The following ELAVL2 variants were observed in gnomAD, a reference collection of about 807,000 sequenced individuals.
ELAVL2 encodes the protein ELAV-like protein 2.
In ELAVL2, 4 loss-of-function variants were observed where a neutral mutation model predicts 34.6. The ratio of observed to expected loss-of-function variants is 0.12; its 90% CI spans 0.06 to 0.26. ELAVL2 has a LOEUF of 0.26. Among genes scored for constraint, ELAVL2 ranks in the 10% least tolerant of loss-of-function variants. ELAVL2 has a pLI of 1.00. For missense variants in ELAVL2, 432 were observed against 442.8 expected, an observed-to-expected ratio of 0.98 and a Z score of 0.22; for synonymous variants, 193 against 154.8, an observed-to-expected ratio of 1.25 and a Z score of -1.83.
At chr9:23,829,368 G>C (rs1392468102), upstream of ELAVL2, among the ~76,000 whole-genome samples, 1 of 152,208 alleles carries the variant, frequency 6.6e-6, no homozygotes, top group Non-Finnish European at 1.5e-5. Flanking sequence ...CCTTACACTA[G>C]AGGTCCTGGG....
At chr9:23,838,879 T>C in the ELAVL2 span, among the ~76,000 whole-genome samples, 2 of 152,158 alleles carry the variant, frequency 1.3e-5, no homozygotes, top group South Asian at 4.1e-4. Flanking sequence ...ACAGGTACCA[T>C]TAGTGAATTG....
intron 2 of ELAVL2, among the ~76,000 whole-genome samples, chr9:23,737,029 T>A (rs1299914360): frequency 6.6e-6 from 1 of 152,182 alleles, no homozygotes; most frequent in Non-Finnish European, 1.5e-5. Context: ...CAGTGCACAC[T>A]GTACAGTGCT....
chr9:23,746,223 G>A (rs887476063), intron 2 of ELAVL2, among the ~76,000 whole-genome samples: 2 of 152,042 alleles, frequency 1.3e-5, no homozygotes, highest in African/African-American at 4.8e-5. Context: ...AATAGCTATG[G>A]CAAGTTCACA....
At chr9:23,813,494 G>A (rs924281193) in intron 1 of ELAVL2, among the ~76,000 whole-genome samples, 3 of 151,556 alleles carry the variant, frequency 2.0e-5, no homozygotes, top group Non-Finnish European at 2.9e-5. Flanking sequence ...GTTAGCAGGT[G>A]GGCCACAGGC....
chr9:23,815,477 C>A (rs1236165295), intron 1 of ELAVL2, among the ~76,000 whole-genome samples: 1 of 152,006 alleles, frequency 6.6e-6, no homozygotes, highest in Non-Finnish European at 1.5e-5. Flanking sequence ...TATAAAAAAA[C>A]AAAATCACTA....
intron 1 of ELAVL2, among the ~76,000 whole-genome samples, chr9:23,763,957 C>T (rs779021013): frequency 4.6e-5 from 7 of 152,098 alleles, no homozygotes; most frequent in Middle Eastern, 3.2e-3. Context: ...CTTTGGAAAT[C>T]TGTATTTAAA....
rs1393987797 is a variant in ELAVL2, at chr9:23,757,993, A to G, written c.229+4013T>C. Among the ~76,000 whole-genome samples, 3 of 152,248 alleles carry G rather than the reference A, an allele frequency of 2.0e-5. No homozygotes were observed. In the East Asian group the frequency reaches 5.8e-4, roughly 29 times the overall value. On this transcript the variant is annotated intron_variant, in intron 2 of 6. Transcript: ENST00000397312. ...TTCAGCATTAAGAAAGATTTAAGAA[A>G]AGGGAAAAGGAAAGATTTCAAATCT... is the stretch of plus-strand genomic sequence containing the variant.
chr9:23,745,424 T>C (rs2050254965), intron 2 of ELAVL2, among the ~76,000 whole-genome samples: 1 of 152,142 alleles, frequency 6.6e-6, no homozygotes. Flanking sequence ...TGAACAGATA[T>C]CCCATTCAAA....
At position 23,796,860 on chromosome 9, in the gene ELAVL2, TAGAGA is replaced by T. The variant is rs528919110; in HGVS notation, c.-16+28941_-16+28945del. Among the ~76,000 whole-genome samples, 205 of 152,356 alleles carry T rather than the reference TAGAGA, an allele frequency of 1.3e-3. 1 individual carries two copies. The highest frequency in any genetic ancestry group is 4.8e-3 in the African/African-American group (198 of 41,590). On this transcript the variant is annotated intron_variant, in intron 1 of 6. Coordinates refer to ENST00000397312, the MANE Select transcript of ELAVL2 (RefSeq NM_004432.5). The stretch of plus-strand genomic sequence containing the variant: ...ATTCAATATCAGTCATGGAATATAC[TAGAGA>T]AAATAGATTCTGACTTGCTTATCTC...
chr9:23,796,879 C>T (rs2060995697), intron 1 of ELAVL2, among the ~76,000 whole-genome samples: 1 of 152,150 alleles, frequency 6.6e-6, no homozygotes, highest in African/African-American at 2.4e-5. Flanking sequence ...TAGATTCTGA[C>T]TTGCTTATCT....
At chr9:23,700,715 C>A (rs962243828) in intron 5 of ELAVL2, among the ~76,000 whole-genome samples, 1 of 152,286 alleles carries the variant, frequency 6.6e-6, no homozygotes, top group Non-Finnish European at 1.5e-5. Flanking sequence ...CAGAGAAAGT[C>A]TGCCAACCTG....
intron 2 of ELAVL2, among the ~76,000 whole-genome samples, chr9:23,732,664 G>GT (rs780113980): frequency 1.7e-4 from 26 of 152,138 alleles, no homozygotes; most frequent in Admixed American, 4.6e-4. Context: ...TTGGCTGAAT[G>GT]TAACAAAATC....
At chr9:23,709,278 T>G (rs2040271731) in intron 3 of ELAVL2, among the ~76,000 whole-genome samples, 1 of 152,136 alleles carries the variant, frequency 6.6e-6, no homozygotes, top group Non-Finnish European at 1.5e-5. Context: ...TTCTTTCATC[T>G]AAAAAGATTA....
intron 1 of ELAVL2, among the ~76,000 whole-genome samples, chr9:23,819,762 C>T (rs1243376364): frequency 1.3e-5 from 2 of 152,198 alleles, no homozygotes; most frequent in Non-Finnish European, 2.9e-5. Context: ...AGGAAAATTA[C>T]AAAGGAGGAA....
chr9:23,806,521 C>CA (rs2062241956), intron 1 of ELAVL2, among the ~76,000 whole-genome samples: 2 of 151,888 alleles, frequency 1.3e-5, no homozygotes, highest in African/African-American at 4.8e-5. Context: ...CCTATAGACC[C>CA]AACTACTCAG....
intron 1 of ELAVL2, among the ~76,000 whole-genome samples, chr9:23,794,658 TA>T (rs1209277409): frequency 6.6e-6 from 1 of 152,208 alleles, no homozygotes; most frequent in Admixed American, 6.5e-5. Context: ...TTATTAAAAT[TA>T]CACAAAGCTT....
At chr9:23,729,763 C>A (rs1684532942) in intron 3 of ELAVL2, among the ~76,000 whole-genome samples, 1 of 151,816 alleles carries the variant, frequency 6.6e-6, no homozygotes, top group South Asian at 2.1e-4. Context: ...TCTTAGGGGC[C>A]AATAAATATA....
intron 1 of ELAVL2, among the ~76,000 whole-genome samples, chr9:23,766,397 G>A (rs983151824): frequency 6.6e-6 from 1 of 152,112 alleles, no homozygotes; most frequent in African/African-American, 2.4e-5. Context: ...AAGACTACAT[G>A]AGCAGGACCA....
intron 4 of ELAVL2, 125 bp from the exon 5 acceptor site, chr9:23,701,729 C>A (rs2037314779): frequency 1.5e-5 from 15 of 987,168 alleles, no homozygotes; most frequent in Non-Finnish European, 2.1e-5. Flanking sequence ...ACATTTCCCA[C>A]AAAATCACAC....
Sources: gnomAD v4.1 joint callset for allele counts (sites outside exome capture counted in the v4.1 genomes callset) on GRCh38, gnomAD v4.1.1 for gene constraint, MANE v1.5 for transcripts, NCBI Gene and HGNC (gene_info 2026-07-23, HGNC 2026-07-21) for gene names.